The following OPCML variants were observed in gnomAD, a reference collection of about 807,000 sequenced individuals.
OPCML encodes the protein opioid binding protein/cell adhesion molecule like.
In OPCML, 13 loss-of-function variants were observed where a neutral mutation model predicts 37.8. The observed-to-expected ratio is 0.34, with a 90% CI of 0.22 to 0.55. The LOEUF (loss-of-function observed/expected upper bound fraction) is 0.55, where lower values mean the gene tolerates loss of function less well. Ranked by LOEUF, OPCML falls within the 20% of genes least tolerant of loss-of-function variation. OPCML has a pLI of 0.91. For missense variants in OPCML, 341 were observed against 435.6 expected (o/e 0.78, Z 1.93); for synonymous variants, 176 against 168.8 (o/e 1.04, Z -0.33).
At chr11:132,589,320 T>TA (rs1162745750) in intron 3 of OPCML, among the ~76,000 whole-genome samples, 4 of 152,106 alleles carry the variant, frequency 2.6e-5, no homozygotes, top group South Asian at 2.1e-4. Flanking sequence ...GTGGATGCTA[T>TA]AAAAAAAAGT....
chr11:132,720,414 C>A (rs1483127515), intron 2 of OPCML, among the ~76,000 whole-genome samples: 1 of 152,238 alleles, frequency 6.6e-6, no homozygotes, highest in Non-Finnish European at 1.5e-5. Context: ...GATAAATGAT[C>A]ATCCATTTTA....
chr11:132,505,908 T>C (rs2096255798), intron 4 of OPCML, among the ~76,000 whole-genome samples: 1 of 151,158 alleles, frequency 6.6e-6, no homozygotes, highest in Non-Finnish European at 1.5e-5. Flanking sequence ...AAAAAATCTA[T>C]GTGTGTGCCT....
At chr11:133,247,510 G>A (rs1205110820) in intron 1 of OPCML, among the ~76,000 whole-genome samples, 4 of 128,174 alleles carry the variant, frequency 3.1e-5, no homozygotes, top group Non-Finnish European at 6.8e-5. Context: ...AATAACTGAA[G>A]TTTTCTTTTT....
At chr11:132,836,610 T>C (rs959409112) in intron 2 of OPCML, among the ~76,000 whole-genome samples, 8 of 152,214 alleles carry the variant, frequency 5.3e-5, no homozygotes, top group African/African-American at 1.9e-4. Flanking sequence ...TACACTAGCA[T>C]GAGTCCTCTT....
At chr11:133,096,079 C>G (rs1469959758) in intron 1 of OPCML, among the ~76,000 whole-genome samples, 2 of 151,518 alleles carry the variant, frequency 1.3e-5, no homozygotes, top group Non-Finnish European at 2.9e-5. Flanking sequence ...ACCGATCTAA[C>G]AGATTATGTT....
intron 2 of OPCML, among the ~76,000 whole-genome samples, chr11:132,855,548 C>G (rs924511343): frequency 1.3e-5 from 2 of 152,130 alleles, no homozygotes. Flanking sequence ...TCATTTCTCC[C>G]GGGTTAATAT....
At chr11:133,108,190 G>A (rs190968715) in intron 1 of OPCML, among the ~76,000 whole-genome samples, 26 of 152,300 alleles carry the variant, frequency 1.7e-4, no homozygotes, top group Admixed American at 3.3e-4. Context: ...GCTGGCTTAC[G>A]TTTGCTGATC....
At chr11:132,579,385 ATG>A (rs66467384) in intron 3 of OPCML, among the ~76,000 whole-genome samples, 24,425 of 146,366 alleles carry the variant, frequency 0.17, 2,502 homozygotes, top group East Asian at 0.42. Context: ...TAGAATGAAT[ATG>A]TGTGTGTGTG....
chr11:132,656,964 A>C (rs988952710), intron 3 of OPCML, 123 bp downstream of exon 3: 16 of 1,472,596 alleles, frequency 1.1e-5, no homozygotes, highest in South Asian at 1.4e-5. Flanking sequence ...ATATAGTCAA[A>C]CTCTGAATTC....
At position 132,943,415 on chromosome 11, in the gene OPCML, G is replaced by T. The variant is rs1945653160; in HGVS notation, c.62-405C>A. 7.5e-6 allele frequency: 3 copies of T among 402,070 alleles called. No homozygotes were observed. Among genetic ancestry groups the T allele is most frequent in the Non-Finnish European group, 1.4e-5 (3 of 217,792 alleles). The allele number at this position is 402,070 out of a possible 1,614,324, so 24.9% of individuals were successfully genotyped here. A position where few individuals can be genotyped will look rare whatever the true frequency, so the allele number is the denominator to read the frequency against. ...GGTGCGGGGATGAAGGTCACAGATT[G>T]CGCTTTCTCTGCCTCTCTCTTCGAG... On this transcript the variant is annotated intron_variant, in intron 1 of 7. Coordinates refer to ENST00000524381, the MANE Select transcript of OPCML (RefSeq NM_001012393.5). This position sits in a 1 kb window ranked among gnomAD's most constrained non-coding sequence, Gnocchi z 4.3.
At chr11:132,840,633 A>G (rs1316895114) in intron 2 of OPCML, among the ~76,000 whole-genome samples, 1 of 152,216 alleles carries the variant, frequency 6.6e-6, no homozygotes, top group Non-Finnish European at 1.5e-5. Flanking sequence ...AGGGTGTCAT[A>G]AAATTATTAT....
At chr11:132,778,440 AT>A (rs749833474) in intron 2 of OPCML, among the ~76,000 whole-genome samples, 3 of 152,252 alleles carry the variant, frequency 2.0e-5, no homozygotes, top group Non-Finnish European at 2.9e-5. Flanking sequence ...AAAAAATCAA[AT>A]GCAAATCATG....
At chr11:132,969,367 G>A (rs979922939) in intron 1 of OPCML, among the ~76,000 whole-genome samples, 3 of 152,044 alleles carry the variant, frequency 2.0e-5, no homozygotes, top group African/African-American at 7.2e-5. Context: ...CTTTGTTTTT[G>A]TCTTTCAACC....
chr11:133,207,240 T>C (rs371602222), intron 1 of OPCML, among the ~76,000 whole-genome samples: 3,073 of 151,552 alleles, frequency 0.02, 38 homozygotes, highest in Middle Eastern at 0.041. Context: ...GCGGAGCTTG[T>C]AGTGAGCCGA....
At chr11:132,909,488 T>C (rs2659608) in intron 2 of OPCML, among the ~76,000 whole-genome samples, 43,468 of 151,992 alleles carry the variant, frequency 0.29, 6,978 homozygotes, top group Non-Finnish European at 0.37. Flanking sequence ...CCCAACCCAA[T>C]AGGAGCTTCA....
At chr11:132,601,779 T>G (rs916006633) in intron 3 of OPCML, among the ~76,000 whole-genome samples, 1 of 152,154 alleles carries the variant, frequency 6.6e-6, no homozygotes, top group Non-Finnish European at 1.5e-5. Context: ...TTTTAAAAGT[T>G]TCTTTATATT....
intron 3 of OPCML, among the ~76,000 whole-genome samples, chr11:132,617,536 A>G (rs1939115123): frequency 6.6e-6 from 1 of 152,220 alleles, no homozygotes; most frequent in African/African-American, 2.4e-5. Context: ...ATCACCAGTC[A>G]TAGACATTGA....
chr11:132,802,396 G>T (rs4937722), intron 2 of OPCML, among the ~76,000 whole-genome samples: 99,757 of 151,992 alleles, frequency 0.66, 34,119 homozygotes, highest in Non-Finnish European at 0.76. Flanking sequence ...CTATCCAGCT[G>T]CATCATGAAT....
At chr11:132,796,400 A>G (rs1013968535) in intron 2 of OPCML, among the ~76,000 whole-genome samples, 6 of 152,072 alleles carry the variant, frequency 3.9e-5, no homozygotes, top group Non-Finnish European at 7.4e-5. Flanking sequence ...TCTTGAAAAT[A>G]TACCTGGACA....
Sources: gnomAD v4.1 joint callset for allele counts (sites outside exome capture counted in the v4.1 genomes callset) on GRCh38, gnomAD v4.1.1 for gene constraint, Gnocchi (gnomAD v3.1) non-coding constraint, MANE v1.5 for transcripts, NCBI Gene and HGNC (gene_info 2026-07-23, HGNC 2026-07-21) for gene names.